ZNF518A: variants seen among roughly 807,000 people sequenced by gnomAD.
ZNF518A encodes zinc finger protein 518A.
In ZNF518A, 47 loss-of-function variants were observed where a neutral mutation model predicts 102.7. That is an observed-to-expected ratio of 0.46 (90% confidence interval 0.36 to 0.58). The LOEUF (loss-of-function observed/expected upper bound fraction) is 0.58, where lower values mean the gene tolerates loss of function less well. ZNF518A is among the 20% of genes least tolerant of loss of function. ZNF518A has a pLI of 0.00. For missense variants in ZNF518A, 1,793 were observed against 1,699.8 expected (o/e 1.05, Z -0.96); for synonymous variants, 652 against 594.6 (o/e 1.10, Z -1.40).
At chr10:96,203,319 T>C (rs932297034) in intron 1 of ZNF518A, among the ~76,000 whole-genome samples, 5 of 152,224 alleles carry the variant, frequency 3.3e-5, no homozygotes, top group Admixed American at 2.6e-4. Flanking sequence ...AAGTTTCATT[T>C]ATTTAAGATG....
chr10:96,204,552 T>C, downstream of ZNF518A: 1 of 1,614,096 alleles, frequency 6.2e-7, no homozygotes, highest in Non-Finnish European at 8.5e-7. Flanking sequence ...GAGGAAACAC[T>C]GGTGACTGCA....
Position 96,162,524 on chromosome 10 carries a change from A to G in ZNF518A, c.*1750A>G, listed in dbSNP as rs1213367721. 6.0e-6 allele frequency: 1 copy of G among 166,890 alleles called. No homozygotes were observed. 10.3% of individuals were successfully genotyped at this position (166,890 alleles called of 1,614,324 possible). The stretch of plus-strand genomic sequence containing the variant: ...CAAGCTATCTTGCTATGCACATTAT[A>G]CTTGTACTGTTTTGTGCAGTTTGTC... On this transcript the variant is annotated 3_prime_UTR_variant, in exon 6 of 6. Coordinates refer to ENST00000316045, the MANE Select transcript of ZNF518A (RefSeq NM_001330736.2).
At chr10:96,183,741 G>T (rs2083254074) in intron 1 of ZNF518A, among the ~76,000 whole-genome samples, 1 of 152,176 alleles carries the variant, frequency 6.6e-6, no homozygotes, top group Non-Finnish European at 1.5e-5. Flanking sequence ...CAACTATGTG[G>T]TCAATTTTGG....
At chr10:96,203,472 G>C (rs1189691709) in intron 1 of ZNF518A, 2 of 152,160 alleles carry the variant, frequency 1.3e-5, no homozygotes, top group East Asian at 3.8e-4. Context: ...ATGTAAAGCA[G>C]AGTTTTTTTC....
Position 96,158,856 on chromosome 10 carries a change from G to T in ZNF518A, c.2534G>T (p.Ser845Ile), listed in dbSNP as rs1196830259. Residue 845 changes from serine to isoleucine, a missense_variant, in exon 6 of 6, where the codon AGT becomes ATT. This residue lies in a region of ZNF518A where 1,741 missense variants were observed against 1,622.6 expected (regional missense o/e 1.07). Coordinates refer to ENST00000316045, the MANE Select transcript of ZNF518A (RefSeq NM_001330736.2). ...GGCATCTTCCCAGTTCCACCTGGCA[G>T]TGTGGGTATTAATGTGCCTACAAAT... Reference protein sequence around the residue: ...VQGIFPVPPGSVGINVPTNDL... With the variant: ...VQGIFPVPPGIVGINVPTNDL... The T allele has an allele frequency of 6.2e-7, 1 of 1,613,806 alleles. No individual in the cohort carries two copies. The highest frequency in any genetic ancestry group is 2.2e-5 in the East Asian group (1 of 44,886).
In ZNF518A at chr10:96,156,923, C is replaced by G; in HGVS notation, c.601C>G (p.His201Asp). ...CTTGACAAAGCATTTCACATCCACA[C>G]ATTGTGTTAATGGTAATTTTCAATG... ...LNLTKHFTST[H>D]CVNGNFQCEK... is the part of the protein sequence containing the mutation. Residue 201 changes from histidine (H) to aspartate (D), a missense_variant, in exon 6 of 6, where the codon CAT becomes GAT. His to Asp is a moderately conservative substitution (Grantham distance 81, BLOSUM62 -1). Around this residue, in one of 3 missense-constraint regions of ZNF518A, gnomAD observed 1,741 missense variants for 1,622.6 expected, o/e 1.07. Coordinates refer to ENST00000316045, the MANE Select transcript of ZNF518A (RefSeq NM_001330736.2). 6.2e-7 allele frequency: 1 copy of G among 1,613,876 alleles called. No individual in the cohort carries two copies. Among genetic ancestry groups the G allele is most frequent in the Non-Finnish European group, 8.5e-7 (1 of 1,179,806 alleles).
chr10:96,146,371 C>T (rs782728648), intron 3 of ZNF518A, among the ~76,000 whole-genome samples: 1 of 152,162 alleles, frequency 6.6e-6, no homozygotes, highest in African/African-American at 2.4e-5. Flanking sequence ...GCAAACTGTT[C>T]TTTATAAAGG....
At chr10:96,146,339 C>G (rs587774179) in intron 3 of ZNF518A, among the ~76,000 whole-genome samples, 2 of 152,272 alleles carry the variant, frequency 1.3e-5, no homozygotes, top group Admixed American at 6.5e-5. Flanking sequence ...TGCCTTTTCT[C>G]CAGACTCTTT....
At chr10:96,165,494 CACCAA>C (rs2083130739), downstream of ZNF518A, among the ~76,000 whole-genome samples, 2 of 144,450 alleles carry the variant, frequency 1.4e-5, no homozygotes, top group East Asian at 4.1e-4. Context: ...AAAAAACAGA[CACCAA>C]ACCAAACCTG....
At position 96,158,971 on chromosome 10, in the gene ZNF518A, T is replaced by G; in HGVS notation, c.2649T>G (p.Gly883=). ...RDSEKMPRIS[G]FGTLLKTQSD... is the part of the protein sequence containing the mutation. Reference sequence around the variant, plus strand: ...CAGAGAAGATGCCTAGAATTTCAGGTTTTGGCACATTACTTAAGACTCAGT... The same window carrying G: ...CAGAGAAGATGCCTAGAATTTCAGGGTTTGGCACATTACTTAAGACTCAGT... Residue 883 remains glycine, a synonymous_variant, in exon 6 of 6, where the codon GGT becomes GGG. Transcript: ENST00000316045. 6.2e-7 allele frequency: 1 copy of G among 1,613,598 alleles called. No individual in the cohort carries two copies. Among genetic ancestry groups the G allele is most frequent in the African/African-American group, 1.3e-5 (1 of 75,020 alleles).
Position 96,160,143 on chromosome 10 carries a change from A to G in ZNF518A, c.3821A>G (p.Asn1274Ser), listed in dbSNP as rs1554886922. 1 of 1,610,034 alleles carries G rather than the reference A, an allele frequency of 6.2e-7. No individual in the cohort carries two copies. The highest frequency in any genetic ancestry group is 8.5e-7 in the Non-Finnish European group (1 of 1,178,556). The change falls in exon 6 of 6, where the codon AAC (asparagine) becomes AGC (serine). Residue 1274 changes from asparagine (N) to serine (S), a missense_variant. This residue lies in a region of ZNF518A where 1,741 missense variants were observed against 1,622.6 expected (regional missense o/e 1.07). Coordinates refer to ENST00000316045, the MANE Select transcript of ZNF518A (RefSeq NM_001330736.2). Reference protein sequence around the residue: ...KDSETAFVSRNRNCKRKCRDS... With the variant: ...KDSETAFVSRSRNCKRKCRDS... ...TCTGAAACTGCCTTTGTATCTAGAA[A>G]CAGAAACTGTAAACGAAAGTGTAGG...
intron 1 of ZNF518A, among the ~76,000 whole-genome samples, chr10:96,186,292 C>T (rs1219211607): frequency 2.6e-5 from 4 of 152,216 alleles, no homozygotes; most frequent in Non-Finnish European, 5.9e-5. Flanking sequence ...CACCTGTCTT[C>T]TGCATCGATC....
rs781982106 is a variant in ZNF518A, at chr10:96,159,163, GCCTGGGCTACCAGTTATT to G, written c.2847_2864del (p.Leu950_Gly955del). 3.1e-6 allele frequency: 5 copies of G among 1,613,582 alleles called. No individual in the cohort carries two copies. Among genetic ancestry groups the G allele is most frequent in the Non-Finnish European group, 4.2e-6 (5 of 1,179,754 alleles). On this transcript the variant is annotated inframe_deletion, in exon 6 of 6. Transcript: ENST00000316045. ...TAATACCATTGAACATTACTAACAA[GCCTGGGCTACCAGTTATT>G]CCTGGAAATGCACTTCCATTGGTTA...
chr10:96,139,613 A>C (rs2081809515), intron 3 of ZNF518A, among the ~76,000 whole-genome samples: 1 of 152,208 alleles, frequency 6.6e-6, no homozygotes. Context: ...GCCAGAACAG[A>C]GTAGGACACT....
At chr10:96,178,342 T>A (rs1236614722) in intron 1 of ZNF518A, among the ~76,000 whole-genome samples, 1 of 152,068 alleles carries the variant, frequency 6.6e-6, no homozygotes, top group African/African-American at 2.4e-5. Context: ...AAACAGCCCT[T>A]TTATGATTAA....
At chr10:96,204,655 ATGTC>A, downstream of ZNF518A, 1 of 1,601,330 alleles carries the variant, frequency 6.2e-7, no homozygotes, top group Non-Finnish European at 8.6e-7. Context: ...TTAGAGTGAA[ATGTC>A]TGTCCTCATC....
chr10:96,179,749 T>C (rs1265689801), intron 1 of ZNF518A, among the ~76,000 whole-genome samples: 1 of 143,456 alleles, frequency 7.0e-6, no homozygotes, highest in Non-Finnish European at 1.5e-5. Flanking sequence ...TTGAATCTTT[T>C]ACAATTCTTC....
At chr10:96,198,127 A>G (rs2083523087) in intron 1 of ZNF518A, among the ~76,000 whole-genome samples, 1 of 152,058 alleles carries the variant, frequency 6.6e-6, no homozygotes, top group African/African-American at 2.4e-5. Context: ...CTCAACAAAG[A>G]ACAAATTATA....
intron 3 of ZNF518A, among the ~76,000 whole-genome samples, chr10:96,137,476 C>T (rs1386546517): frequency 1.3e-5 from 2 of 152,214 alleles, no homozygotes; most frequent in Admixed American, 6.5e-5. Context: ...TAAAACTCCA[C>T]TGAAACTGTT....
Sources: gnomAD v4.1 joint callset for allele counts (sites outside exome capture counted in the v4.1 genomes callset) on GRCh38, gnomAD v4.1.1 for gene constraint, gnomAD v4.1.1 regional missense constraint, MANE v1.5 for transcripts, NCBI Gene and HGNC (gene_info 2026-07-23, HGNC 2026-07-21) for gene names.